FAM186A: variants seen among roughly 807,000 people sequenced by gnomAD.
FAM186A encodes family with sequence similarity 186 member A.
FAM186A carries 163 observed loss-of-function variants against 216.8 expected under a neutral mutation model. That is an observed-to-expected ratio of 0.75 (90% confidence interval 0.66 to 0.86). The LOEUF is 0.86. Among genes scored for constraint, FAM186A ranks in the 40% least tolerant of loss-of-function variants. The pLI, the probability that FAM186A is intolerant of heterozygous loss-of-function variation, is 0.00. For missense variants in FAM186A, 2,184 were observed against 2,746.2 expected (o/e 0.80, Z 4.58); for synonymous variants, 805 against 1,025.3 (o/e 0.79, Z 4.10).
Position 50,372,994 on chromosome 12 carries a change from G to GGAAAGAAAGAAAGAAAGAAA in FAM186A, c.193-9631_193-9630insTTTCTTTCTTTCTTTCTTTC, listed in dbSNP as rs1491450637. Among the ~76,000 whole-genome samples the GGAAAGAAAGAAAGAAAGAAA allele has an allele frequency of 8.4e-5, 5 of 59,508 alleles. 1 individual carries two copies. The highest frequency in any genetic ancestry group is 1.0e-3 in the South Asian group (2 of 1,916). 39.0% of individuals were successfully genotyped at this position (59,508 alleles called of 152,430 possible). A position where few individuals can be genotyped will look rare whatever the true frequency, so the allele number is the denominator to read the frequency against. ...AGGGACGGAGGGAGGAAGGAAGGAA[G>GGAAAGAAAGAAAGAAAGAAA]GAATGAAAGAAAGAAAGAAAGAAAG... On this transcript the variant is annotated intron_variant, in intron 1 of 7. Coordinates refer to ENST00000327337, the MANE Select transcript of FAM186A (RefSeq NM_001145475.3).
At chr12:50,327,827 G>T (rs775847841) in intron 7 of FAM186A, among the ~76,000 whole-genome samples, 3 of 152,098 alleles carry the variant, frequency 2.0e-5, no homozygotes, top group Non-Finnish European at 4.4e-5. Context: ...TTACAGGTGT[G>T]AGCCACTGTG....
intron 1 of FAM186A, among the ~76,000 whole-genome samples, chr12:50,388,239 C>A (rs1354283764): frequency 1.3e-5 from 2 of 152,124 alleles, no homozygotes; most frequent in African/African-American, 4.8e-5. Context: ...CATTAGCATA[C>A]AAAAAGACAT....
chr12:50,386,836 C>A (rs1240374078), intron 1 of FAM186A, among the ~76,000 whole-genome samples: 3 of 150,284 alleles, frequency 2.0e-5, no homozygotes, highest in Non-Finnish European at 2.9e-5. Flanking sequence ...GAGATCGTGC[C>A]ACTGCACTCC....
At chr12:50,384,008 C>T (rs1943278998) in intron 1 of FAM186A, among the ~76,000 whole-genome samples, 1 of 152,060 alleles carries the variant, frequency 6.6e-6, no homozygotes, top group African/African-American at 2.4e-5. Flanking sequence ...GTCCCAGCTA[C>T]TCACGAGGCT....
At chr12:50,346,281 T>C (rs1197658705) in intron 4 of FAM186A, among the ~76,000 whole-genome samples, 2 of 136,972 alleles carry the variant, frequency 1.5e-5, no homozygotes, top group African/African-American at 5.4e-5. Flanking sequence ...CAGAATGGAA[T>C]GTAGTGGTGG....
chr12:50,347,969 T>G (rs1450792719), intron 4 of FAM186A, among the ~76,000 whole-genome samples: 2 of 151,722 alleles, frequency 1.3e-5, no homozygotes, highest in African/African-American at 4.8e-5. Context: ...GCCTCTCGGG[T>G]TCAAGCAATT....
rs1168395505 is a variant in FAM186A at position 50,360,856 on chromosome 12, C to T, written c.483G>A (p.Leu161=). The T allele has an allele frequency of 1.3e-6, 2 of 1,551,184 alleles. No individual in the cohort carries two copies. The highest frequency in any genetic ancestry group is 1.2e-5 in the South Asian group (1 of 83,980). ...EHHHWIAQME[L]LPDTLKAIEN... ...CAATAGCTTTTAACGTGTCCGGTAA[C>T]AACTCCATTTGTGCTATCCAGTGGT... Residue 161 remains leucine, a synonymous_variant, in exon 3 of 8, where the codon TTG becomes TTA. Coordinates refer to ENST00000327337, the MANE Select transcript of FAM186A (RefSeq NM_001145475.3).
At chr12:50,393,281 T>G (rs1284006787) in intron 1 of FAM186A, among the ~76,000 whole-genome samples, 1 of 151,978 alleles carries the variant, frequency 6.6e-6, no homozygotes, top group African/African-American at 2.4e-5. Context: ...CTCACTTCTG[T>G]AATCCTAGCA....
At chr12:50,338,761 G>A (rs79254146) in intron 4 of FAM186A, among the ~76,000 whole-genome samples, 3,118 of 152,108 alleles carry the variant, frequency 0.02, 104 homozygotes, top group African/African-American at 0.072. Flanking sequence ...TTAGCTGTGT[G>A]ATTTGGGCAA....
At chr12:50,378,573 TAC>T (rs1347007206) in intron 1 of FAM186A, among the ~76,000 whole-genome samples, 1 of 12,080 alleles carries the variant, frequency 8.3e-5, no homozygotes. Context: ...TATATATATA[TAC>T]ACATATGTAA....
Position 50,353,914 on chromosome 12 carries a change from C to T in FAM186A, c.2918G>A (p.Arg973Lys). The T allele has an allele frequency of 6.4e-7, 1 of 1,553,072 alleles. No homozygotes were observed. Among genetic ancestry groups the T allele is most frequent in the South Asian group, 1.2e-5 (1 of 84,102 alleles). ...CTGCCTTTCGAGGTCCTCTAGCCCT[C>T]TCTCTGGCTTCTGCTTTTCCTTCCC... ...EKGKEKQKPE[R>K]GLEDLERQIK... Residue 973 changes from arginine to lysine, a missense_variant, in exon 4 of 8, where the codon AGA (arginine) becomes AAA (lysine). By Grantham distance (26) the Arg-to-Lys change is conservative. This residue lies in a region of FAM186A where 1,132 missense variants were observed against 1,263.4 expected (regional missense o/e 0.90). Transcript: ENST00000327337.
intron 1 of FAM186A, among the ~76,000 whole-genome samples, chr12:50,385,786 C>T (rs1943297521): frequency 6.6e-6 from 1 of 151,858 alleles, no homozygotes; most frequent in Admixed American, 6.6e-5. Context: ...CCTGTAGTCC[C>T]AGCTACTCGG....
Position 50,351,538 on chromosome 12 carries a change from A to T in FAM186A, c.5294T>A (p.Val1765Asp). The T allele has an allele frequency of 6.5e-7, 1 of 1,528,340 alleles. No homozygotes were observed. Among genetic ancestry groups the T allele is most frequent in the Non-Finnish European group, 8.8e-7 (1 of 1,136,824 alleles). The allele number at this position is 1,528,340 out of a possible 1,614,324, so 94.7% of individuals were successfully genotyped here. Reference protein sequence around the residue: ...VSSTPLQISRVPLNQGPFAPG... With the variant: ...VSSTPLQISRDPLNQGPFAPG... ...GGCAAAGGGGCCTTGGTTGAGGGGA[A>T]CCCTTGATATCTGCAAAGGAGTAGA... The change falls in exon 4 of 8, where the codon GTT (valine) becomes GAT (aspartate). Residue 1765 changes from valine (V) to aspartate (D), a missense_variant. By Grantham distance (152) the Val-to-Asp change is radical (BLOSUM62 -3). Coordinates refer to ENST00000327337, the MANE Select transcript of FAM186A (RefSeq NM_001145475.3).
intron 1 of FAM186A, among the ~76,000 whole-genome samples, chr12:50,376,381 G>A (rs964611108): frequency 1.1e-4 from 16 of 152,204 alleles, no homozygotes; most frequent in African/African-American, 3.6e-4. Context: ...CAGCAGAGAG[G>A]ATACCTGAAG....
In FAM186A at chr12:50,355,466, G is replaced by A; in HGVS notation, c.1366C>T (p.Gln456Ter). The change falls in exon 4 of 8, where the codon CAA becomes TAA. Residue 456 changes from glutamine (Q) to a stop codon, truncating the protein, a stop_gained. Transcript: ENST00000327337. LOFTEE classifies it high-confidence loss of function. ...TTTTTGTGGCTTCTTTTCCATGATT[G>A]ATACTCATCAGTCTCATCTTCCTGA... ...FYQEDETDEY[Q>*]SWKRSHKKAT... 5 of 1,551,138 alleles carry A rather than the reference G, an allele frequency of 3.2e-6. No homozygotes were observed. Among genetic ancestry groups the A allele is most frequent in the Non-Finnish European group, 3.5e-6 (4 of 1,146,918 alleles).
chr12:50,335,364 G>A (rs919389947), intron 4 of FAM186A, among the ~76,000 whole-genome samples: 2 of 152,014 alleles, frequency 1.3e-5, no homozygotes, highest in African/African-American at 4.8e-5. Flanking sequence ...TAGAAGGTAA[G>A]GCCGGGCACA....
At chr12:50,377,659 C>G (rs1943210870) in intron 1 of FAM186A, among the ~76,000 whole-genome samples, 1 of 151,432 alleles carries the variant, frequency 6.6e-6, no homozygotes, top group South Asian at 2.1e-4. Context: ...ATGGTGAAAC[C>G]CTGTCTCTAC....
intron 4 of FAM186A, among the ~76,000 whole-genome samples, chr12:50,338,676 TGTA>T (rs1310847681): frequency 1.1e-4 from 17 of 152,176 alleles, no homozygotes; most frequent in African/African-American, 3.9e-4. Flanking sequence ...TTTAAGACAG[TGTA>T]GTATAATAGG....
In FAM186A at chr12:50,331,689, C is replaced by G. The variant is rs951143358; in HGVS notation, c.6829G>C (p.Asp2277His). The G allele has an allele frequency of 1.9e-6, 3 of 1,544,018 alleles. No individual in the cohort carries two copies. Among genetic ancestry groups the G allele is most frequent in the Non-Finnish European group, 2.6e-6 (3 of 1,145,502 alleles). ...KLLMEEDRTS[D>H]ICKKFRQQED... is the part of the protein sequence containing the mutation. ...ACATACCTAAATTTCTTGCATATGT[C>G]AGAGGTTCTGTCCTCTTCCATTAGT... Residue 2277 changes from aspartate (D) to histidine (H), a missense_variant, in exon 6 of 8, where the codon GAC (aspartate) becomes CAC (histidine). Coordinates refer to ENST00000327337, the MANE Select transcript of FAM186A (RefSeq NM_001145475.3).
Sources: allele counts gnomAD v4.1 joint callset (sites outside exome capture counted in the v4.1 genomes callset), GRCh38; gene constraint gnomAD v4.1.1; regional missense constraint gnomAD v4.1.1; transcripts MANE v1.5; gene names NCBI Gene and HGNC (gene_info 2026-07-23, HGNC 2026-07-21).